The following F13A1 variants were observed in gnomAD, a reference collection of about 807,000 sequenced individuals.
F13A1 encodes FSF, A subunit.
A neutral mutation model predicts 80.1 loss-of-function variants in F13A1; 47 were observed. The ratio of observed to expected loss-of-function variants is 0.59; its 90% CI spans 0.46 to 0.75. The LOEUF (loss-of-function observed/expected upper bound fraction) is 0.75, where lower values mean the gene tolerates loss of function less well. F13A1 is among the 30% of genes least tolerant of loss of function. The pLI is 0.00. For synonymous variants in F13A1, 349 were observed against 344.9 expected (o/e 1.01, Z -0.13); for missense variants, 817 against 930.4 (o/e 0.88, Z 1.59).
intron 8 of F13A1, among the ~76,000 whole-genome samples, chr6:6,208,166 C>A (rs1321854171): frequency 7.9e-5 from 12 of 152,052 alleles, no homozygotes; most frequent in Admixed American, 6.6e-4. Flanking sequence ...TATATCTCAT[C>A]AAATAGAGAA....
chr6:6,174,545 G>C (rs754614032), intron 12 of F13A1, 35 bp downstream of exon 12: 1 of 1,610,274 alleles, frequency 6.2e-7, no homozygotes, highest in Non-Finnish European at 8.5e-7. Context: ...GCCAGACAGC[G>C]AGTCTCAGAA....
intron 14 of F13A1, among the ~76,000 whole-genome samples, chr6:6,149,979 C>A (rs896004187): frequency 6.6e-6 from 1 of 152,172 alleles, no homozygotes; most frequent in East Asian, 1.9e-4. Flanking sequence ...GAGCCTGAGG[C>A]CTCCCAAATA....
chr6:6,305,306 A>G (rs1289702279), intron 3 of F13A1, 45 bp downstream of exon 3: 19 of 1,607,962 alleles, frequency 1.2e-5, no homozygotes, highest in Non-Finnish European at 1.6e-5. Flanking sequence ...TCTCTCTACA[A>G]TGCAACCCAT....
rs539603303 is a variant in F13A1, at chr6:6,168,923, TGAA to T, written c.1748-1308_1748-1306del. Among the ~76,000 whole-genome samples the T allele has an allele frequency of 2.0e-5, 3 of 152,318 alleles. No homozygotes were observed. In the South Asian group the frequency reaches 6.2e-4, roughly 32 times the overall value. On this transcript the variant is annotated intron_variant, in intron 12 of 14. Coordinates refer to ENST00000264870, the MANE Select transcript of F13A1 (RefSeq NM_000129.4). ...ATCTGCAGCAGCTTGCTCTGGACCT[TGAA>T]GACCAAGAGGCTGGGAAAGCCTCTG...
intron 13 of F13A1, among the ~76,000 whole-genome samples, chr6:6,153,539 C>A (rs1760420344): frequency 1.3e-5 from 2 of 152,214 alleles, no homozygotes; most frequent in Admixed American, 1.3e-4. Flanking sequence ...AGCCAACTCC[C>A]TAAACTTTGT....
At chr6:6,263,255 T>G (rs1015305252) in intron 4 of F13A1, among the ~76,000 whole-genome samples, 4 of 152,234 alleles carry the variant, frequency 2.6e-5, no homozygotes, top group African/African-American at 9.6e-5. Flanking sequence ...ACACAGCCCA[T>G]GACCATCTCC....
chr6:6,306,630 A>G (rs939532983), intron 2 of F13A1, among the ~76,000 whole-genome samples: 2 of 152,102 alleles, frequency 1.3e-5, no homozygotes, highest in African/African-American at 4.8e-5. Flanking sequence ...CTGCATGTGC[A>G]TTTGGCATTG....
At chr6:6,258,105 T>C (rs1481660533) in intron 4 of F13A1, among the ~76,000 whole-genome samples, 1 of 152,232 alleles carries the variant, frequency 6.6e-6, no homozygotes, top group African/African-American at 2.4e-5. Context: ...ATTGGTTTTT[T>C]TTCTTTTGTT....
chr6:6,203,467 G>A (rs1364465548), intron 8 of F13A1, among the ~76,000 whole-genome samples: 1 of 152,228 alleles, frequency 6.6e-6, no homozygotes, highest in African/African-American at 2.4e-5. Context: ...CAGAGACAGA[G>A]CAAGTCAGGG....
intron 8 of F13A1, among the ~76,000 whole-genome samples, chr6:6,209,643 A>C (rs1007874075): frequency 6.6e-6 from 1 of 152,264 alleles, no homozygotes; most frequent in Non-Finnish European, 1.5e-5. Flanking sequence ...GTTTATCCAC[A>C]CAATGAAATA....
intron 8 of F13A1, among the ~76,000 whole-genome samples, chr6:6,208,284 G>A (rs1761529045): frequency 6.6e-6 from 1 of 152,136 alleles, no homozygotes; most frequent in Non-Finnish European, 1.5e-5. Flanking sequence ...GTAGAGTTAA[G>A]CAGGCAGAAA....
At chr6:6,267,599 C>G (rs761830484) in intron 3 of F13A1, among the ~76,000 whole-genome samples, 30 of 152,090 alleles carry the variant, frequency 2.0e-4, no homozygotes, top group Admixed American at 5.9e-4. Context: ...TAAATGGGAC[C>G]CATAATTCAT....
rs1760259704 is a variant in F13A1 at position 6,145,445 on chromosome 6, T to C, written c.*174A>G. 2 of 775,018 alleles carry C rather than the reference T, an allele frequency of 2.6e-6. No individual in the cohort carries two copies. Among genetic ancestry groups the C allele is most frequent in the Admixed American group, 4.2e-5 (2 of 47,572 alleles). The allele number at this position is 775,018 out of a possible 1,614,324, so 48.0% of individuals were successfully genotyped here. A position where few individuals can be genotyped will look rare whatever the true frequency, so the allele number is the denominator to read the frequency against. On this transcript the variant is annotated 3_prime_UTR_variant, in exon 15 of 15. Transcript: ENST00000264870. ...AAACTAACTTCCTTGCCGAATAGCCTGGGTTTGGAAAAGCATGTTTTTGAA... is the reference window on the plus strand; with the variant it reads ...AAACTAACTTCCTTGCCGAATAGCCCGGGTTTGGAAAAGCATGTTTTTGAA...
chr6:6,299,492 G>T lies in F13A1; in HGVS notation c.319+5859C>A, dbSNP rs373232434. Among the ~76,000 whole-genome samples the T allele has an allele frequency of 8.1e-5, 9 of 110,748 alleles. 1 individual carries two copies. The highest frequency in any genetic ancestry group is 1.5e-4 in the African/African-American group (3 of 19,436). 72.7% of individuals were successfully genotyped at this position (110,748 alleles called of 152,430 possible). On this transcript the variant is annotated intron_variant, in intron 3 of 14. Coordinates refer to ENST00000264870, the MANE Select transcript of F13A1 (RefSeq NM_000129.4). ...TAAACTTCCCTTCTCACTTCATTTC[G>T]TTCATTTCATCTTCCATCGCTGATA... is the stretch of plus-strand genomic sequence containing the variant.
At position 6,252,820 on chromosome 6, in the gene F13A1, C is replaced by T. The variant is rs140410450; in HGVS notation, c.572-1891G>A. The stretch of plus-strand genomic sequence containing the variant: ...AAACTTCTACTCAGAAGTTTTGGAA[C>T]TTTGCATGCTCATTCAAAAGCTTAT... On this transcript the variant is annotated intron_variant, in intron 4 of 14. Transcript: ENST00000264870. Among the ~76,000 whole-genome samples the T allele has an allele frequency of 3.0e-4, 46 of 152,194 alleles. No individual in the cohort carries two copies. In the East Asian group the frequency reaches 8.5e-3, roughly 28 times the overall value.
At chr6:6,208,320 G>A (rs1224459852) in intron 8 of F13A1, among the ~76,000 whole-genome samples, 3 of 152,108 alleles carry the variant, frequency 2.0e-5, no homozygotes, top group African/African-American at 7.2e-5. Flanking sequence ...TTGAAGGTAG[G>A]CCAATTGAAA....
chr6:6,282,331 A>G (rs2113144693), intron 3 of F13A1, among the ~76,000 whole-genome samples: 1 of 152,334 alleles, frequency 6.6e-6, no homozygotes, highest in South Asian at 2.1e-4. Flanking sequence ...AACTAGTTGG[A>G]ACAGTCCAAC....
At chr6:6,294,389 TC>T (rs1758283448) in intron 3 of F13A1, among the ~76,000 whole-genome samples, 1 of 152,152 alleles carries the variant, frequency 6.6e-6, no homozygotes, top group Non-Finnish European at 1.5e-5. Context: ...AACATCAGAC[TC>T]CAAGTTCTTC....
At position 6,256,761 on chromosome 6, in the gene F13A1, C is replaced by T. The variant is rs552961084; in HGVS notation, c.572-5832G>A. 3.9e-5 allele frequency among the ~76,000 whole-genome samples: 6 copies of T among 152,182 alleles called. No individual in the cohort carries two copies. In the East Asian group the frequency reaches 1.2e-3, roughly 29 times the overall value. ...CCTACTGATTTTAGTATCTGTATAA[C>T]CTCTTTGTGAGAAGGAAGATCATTC... On this transcript the variant is annotated intron_variant, in intron 4 of 14. Coordinates refer to ENST00000264870, the MANE Select transcript of F13A1 (RefSeq NM_000129.4).
Sources: gnomAD v4.1 joint callset for allele counts (sites outside exome capture counted in the v4.1 genomes callset) on GRCh38, gnomAD v4.1.1 for gene constraint, MANE v1.5 for transcripts, NCBI Gene and HGNC (gene_info 2026-07-23, HGNC 2026-07-21) for gene names.